PCDHGB1: variants seen among roughly 807,000 people sequenced by gnomAD.
The protein encoded by PCDHGB1 is protocadherin gamma subfamily B, 1.
A neutral mutation model predicts 56.6 loss-of-function variants in PCDHGB1; 34 were observed. The observed-to-expected ratio is 0.60, with a 90% CI of 0.46 to 0.80. PCDHGB1 has a LOEUF of 0.80. PCDHGB1 is among the 30% of genes least tolerant of loss of function. PCDHGB1 has a pLI of 0.00. For missense variants in PCDHGB1, 1,278 were observed against 1,204.6 expected, an observed-to-expected ratio of 1.06 and a Z score of -0.90; for synonymous variants, 561 against 505.9, an observed-to-expected ratio of 1.11 and a Z score of -1.46.
At position 141,487,892 on chromosome 5, in the gene PCDHGB1, T is replaced by C; in HGVS notation, c.2410-6915T>C. The C allele has an allele frequency of 2.7e-6, 2 of 731,410 alleles. No individual in the cohort carries two copies. The highest frequency in any genetic ancestry group is 4.4e-6 in the Non-Finnish European group (2 of 450,094). 45.3% of individuals were successfully genotyped at this position (731,410 alleles called of 1,614,324 possible). On this transcript the variant is annotated intron_variant, in intron 1 of 3. Coordinates refer to ENST00000523390, the MANE Select transcript of PCDHGB1 (RefSeq NM_018922.3). This position sits in a 1 kb window ranked among gnomAD's most constrained non-coding sequence, Gnocchi z 5.0. ...GAGCCAGGCTGTTGTGGAAGCATGA[T>C]GATGGAATGTGGGAGCACAGGAGGC...
At chr5:141,470,078 G>C (rs542998375) in intron 1 of PCDHGB1, among the ~76,000 whole-genome samples, 21 of 152,182 alleles carry the variant, frequency 1.4e-4, no homozygotes, top group Non-Finnish European at 2.9e-4. Context: ...GTAGTGATCT[G>C]AGATCATGCC....
At chr5:141,390,230 A>T (rs2092091822) in intron 1 of PCDHGB1, 1 of 1,614,072 alleles carries the variant, frequency 6.2e-7, no homozygotes, top group Admixed American at 1.7e-5. Flanking sequence ...GCGGTGATTC[A>T]TCTGGGGCCT....
chr5:141,492,998 C>A (rs2154589328), intron 1 of PCDHGB1, among the ~76,000 whole-genome samples: 1 of 152,334 alleles, frequency 6.6e-6, no homozygotes, highest in Admixed American at 6.5e-5. Flanking sequence ...AGATGGAAAG[C>A]TATAGGCTCT....
chr5:141,368,727 T>C (rs1004938919), intron 1 of PCDHGB1, among the ~76,000 whole-genome samples: 9 of 152,250 alleles, frequency 5.9e-5, no homozygotes, highest in Non-Finnish European at 1.2e-4. Context: ...ATGTATGTAC[T>C]GTATATACCA....
At chr5:141,360,632 C>T (rs1367186780) in intron 1 of PCDHGB1, 1 of 1,613,902 alleles carries the variant, frequency 6.2e-7, no homozygotes, top group Admixed American at 1.7e-5. Context: ...GGTCCTAACT[C>T]ACTACAAAGA....
chr5:141,502,577 A>G (rs1260539435), intron 2 of PCDHGB1, among the ~76,000 whole-genome samples: 2 of 152,192 alleles, frequency 1.3e-5, no homozygotes, highest in African/African-American at 4.8e-5. Context: ...TTATAAAAAT[A>G]TATTTTTATA....
intron 1 of PCDHGB1, among the ~76,000 whole-genome samples, chr5:141,478,961 C>T (rs887338339): frequency 6.6e-6 from 1 of 152,206 alleles, no homozygotes; most frequent in Non-Finnish European, 1.5e-5. Context: ...CCTCATTCCT[C>T]CACCTTTCAA....
In PCDHGB1 at chr5:141,451,946, G is replaced by A. The variant is rs146934262; in HGVS notation, c.2410-42861G>A. On this transcript the variant is annotated intron_variant, in intron 1 of 3. Coordinates refer to ENST00000523390, the MANE Select transcript of PCDHGB1 (RefSeq NM_018922.3). ...GGAGGTAGGGAGGCAGGGAAAGACC[G>A]AGAAAGTGACATACCATCATTTTTG... Among the ~76,000 whole-genome samples, 240 of 152,218 alleles carry A rather than the reference G, an allele frequency of 1.6e-3. 1 individual carries two copies. Among genetic ancestry groups the A allele is most frequent in the Non-Finnish European group, 2.9e-3 (195 of 68,026 alleles).
intron 1 of PCDHGB1, chr5:141,405,074 G>T (rs536930748): frequency 2.5e-6 from 4 of 1,613,794 alleles, no homozygotes; most frequent in Non-Finnish European, 3.4e-6. Context: ...CCTCACCTTC[G>T]TTATCACGCT....
At chr5:141,403,743 C>A (rs1165597254) in intron 1 of PCDHGB1, 1 of 1,613,856 alleles carries the variant, frequency 6.2e-7, no homozygotes, top group Non-Finnish European at 8.5e-7. Context: ...CTGCTTACTG[C>A]AACAGCCAGC....
intron 3 of PCDHGB1, 90 bp from the exon 4 acceptor site, chr5:141,510,857 A>G (rs1184962556): frequency 6.2e-7 from 1 of 1,605,538 alleles, no homozygotes; most frequent in Non-Finnish European, 8.5e-7. Flanking sequence ...AGGGTGCTGT[A>G]TAGGCATTCA....
intron 1 of PCDHGB1, chr5:141,420,076 T>C (rs764381539): frequency 3.3e-5 from 53 of 1,613,956 alleles, no homozygotes; most frequent in Non-Finnish European, 4.5e-5. Context: ...GACCTGTGGG[T>C]CCCCCCAACT....
intron 1 of PCDHGB1, chr5:141,415,324 G>A (rs2095854761): frequency 1.9e-6 from 3 of 1,614,108 alleles, no homozygotes; most frequent in African/African-American, 2.7e-5. Flanking sequence ...CGTGCTGCTG[G>A]CGCACAGGCT....
At position 141,364,340 on chromosome 5, in the gene PCDHGB1, C is replaced by G. The variant is rs750695410; in HGVS notation, c.2409+11671C>G. The G allele has an allele frequency of 4.6e-6, 7 of 1,534,518 alleles. No individual in the cohort carries two copies. The highest frequency in any genetic ancestry group is 6.1e-6 in the Non-Finnish European group (7 of 1,144,800). On this transcript the variant is annotated intron_variant, in intron 1 of 3. Coordinates refer to ENST00000523390, the MANE Select transcript of PCDHGB1 (RefSeq NM_018922.3). The stretch of plus-strand genomic sequence containing the variant: ...GGGCAGAGAGAAGGCAATGGCGAGT[C>G]CACCTAGGGGCTGGGGCTGCGGAGA...
At chr5:141,380,361 GA>G (rs980591138) in intron 1 of PCDHGB1, among the ~76,000 whole-genome samples, 1 of 151,502 alleles carries the variant, frequency 6.6e-6, no homozygotes, top group Non-Finnish European at 1.5e-5. Flanking sequence ...TTGTTTTTTA[GA>G]AAAAAAAGTC....
At chr5:141,419,327 TC>T (rs774592605) in intron 1 of PCDHGB1, 1 of 1,613,856 alleles carries the variant, frequency 6.2e-7, no homozygotes, top group Non-Finnish European at 8.5e-7. Flanking sequence ...TGTCTCCTAC[TC>T]TCTCATTGCC....
intron 1 of PCDHGB1, chr5:141,405,168 A>G: frequency 1.2e-6 from 2 of 1,613,960 alleles, no homozygotes. Flanking sequence ...CCCACCTCAC[A>G]CTTTGTGGGT....
chr5:141,371,112 C>T (rs756319459), intron 1 of PCDHGB1: 1 of 1,613,922 alleles, frequency 6.2e-7, no homozygotes, highest in Non-Finnish European at 8.5e-7. Flanking sequence ...TGATAACCCC[C>T]CAGTATTTAC....
At chr5:141,436,053 A>G (rs971342534) in intron 1 of PCDHGB1, among the ~76,000 whole-genome samples, 2 of 152,232 alleles carry the variant, frequency 1.3e-5, no homozygotes, top group African/African-American at 2.4e-5. Flanking sequence ...TAGTTTTCAA[A>G]TAGAATTTAA....
Sources: gnomAD v4.1 joint callset for allele counts (sites outside exome capture counted in the v4.1 genomes callset) on GRCh38, gnomAD v4.1.1 for gene constraint, Gnocchi (gnomAD v3.1) non-coding constraint, MANE v1.5 for transcripts, NCBI Gene and HGNC (gene_info 2026-07-23, HGNC 2026-07-21) for gene names.